The following KLHDC10 variants were observed in gnomAD, a reference collection of about 807,000 sequenced individuals.
The protein encoded by KLHDC10 is kelch domain-containing protein 10.
In KLHDC10, 24 loss-of-function variants were observed where a neutral mutation model predicts 56.1. The ratio of observed to expected loss-of-function variants is 0.43; its 90% CI spans 0.31 to 0.60. The LOEUF (loss-of-function observed/expected upper bound fraction) is 0.60. Among genes scored for constraint, KLHDC10 ranks in the 20% least tolerant of loss-of-function variants. The probability of loss-of-function intolerance (pLI) is 0.11; values close to 1 mark genes in which losing one functional copy is unlikely to be tolerated. For synonymous variants in KLHDC10, 188 were observed against 207.1 expected (o/e 0.91, Z 0.79); for missense variants, 349 against 567.0 (o/e 0.62, Z 3.91).
chr7:130,114,155 G>A (rs180861328), intron 2 of KLHDC10, among the ~76,000 whole-genome samples: 27 of 152,246 alleles, frequency 1.8e-4, no homozygotes, highest in Non-Finnish European at 1.8e-4. Flanking sequence ...ACTGTTTTAG[G>A]TGTTGTGGGT....
At chr7:130,113,428 G>T (rs1405927466) in intron 2 of KLHDC10, among the ~76,000 whole-genome samples, 1 of 151,980 alleles carries the variant, frequency 6.6e-6, no homozygotes, top group Non-Finnish European at 1.5e-5. Flanking sequence ...CACCTCCCAG[G>T]TTCAAGCAAT....
intron 2 of KLHDC10, among the ~76,000 whole-genome samples, chr7:130,099,962 G>C (rs1283566618): frequency 6.6e-6 from 1 of 151,992 alleles, no homozygotes; most frequent in African/African-American, 2.4e-5. Flanking sequence ...ACAATTAGCC[G>C]GGTGTGGTGG....
At chr7:130,076,375 C>T (rs1265532909) in intron 1 of KLHDC10, among the ~76,000 whole-genome samples, 3 of 152,062 alleles carry the variant, frequency 2.0e-5, no homozygotes, top group South Asian at 2.1e-4. Context: ...GCCATTGACA[C>T]GTTGCAGATA....
At chr7:130,122,252 C>G in intron 5 of KLHDC10, 50 bp downstream of exon 5, 1 of 1,584,034 alleles carries the variant, frequency 6.3e-7, no homozygotes, top group Non-Finnish European at 8.6e-7. Context: ...TAACATTTGA[C>G]CTCTTTCAGA....
Position 130,070,789 on chromosome 7 carries a change from C to T in KLHDC10, c.146C>T (p.Ser49Phe). Reference protein sequence around the residue: ...TGQLNRFVQLSGRPHLPGKKK... With the variant: ...TGQLNRFVQLFGRPHLPGKKK... ...CAGCTCAACCGCTTCGTGCAACTCT[C>T]CGGGCGGCCGCACCTGCCAGGTGAG... The change falls in exon 1 of 10, where the codon TCC (serine) becomes TTC (phenylalanine). Residue 49 changes from serine (S) to phenylalanine (F), a missense_variant. This residue lies in a region of KLHDC10 where 104 missense variants were observed against 97.0 expected (regional missense o/e 1.07). Transcript: ENST00000335420. The T allele has an allele frequency of 1.5e-6, 2 of 1,307,098 alleles. No homozygotes were observed. The highest frequency in any genetic ancestry group is 2.0e-6 in the Non-Finnish European group (2 of 1,025,200). 81.0% of individuals were successfully genotyped at this position (1,307,098 alleles called of 1,614,324 possible). A position where few individuals can be genotyped will look rare whatever the true frequency, so the allele number is the denominator to read the frequency against.
At chr7:130,110,531 G>A (rs1018076549) in intron 2 of KLHDC10, among the ~76,000 whole-genome samples, 2 of 152,182 alleles carry the variant, frequency 1.3e-5, no homozygotes, top group Non-Finnish European at 2.9e-5. Flanking sequence ...GTGGGCTGGT[G>A]TGAATGGATT....
At chr7:130,124,375 T>TA (rs886500605) in intron 5 of KLHDC10, 76 bp from the exon 6 acceptor site, 11 of 829,440 alleles carry the variant, frequency 1.3e-5, no homozygotes, top group Non-Finnish European at 2.2e-5. Flanking sequence ...AATGATGTAA[T>TA]AAAAAACCTT....
At chr7:130,103,389 C>T (rs1795961881) in intron 2 of KLHDC10, among the ~76,000 whole-genome samples, 1 of 147,080 alleles carries the variant, frequency 6.8e-6, no homozygotes, top group African/African-American at 2.5e-5. Flanking sequence ...CATGTCACTG[C>T]ACTCCAGCCT....
At chr7:130,099,288 T>TGTTC (rs1795897499) in intron 2 of KLHDC10, among the ~76,000 whole-genome samples, 2 of 152,300 alleles carry the variant, frequency 1.3e-5, no homozygotes, top group South Asian at 2.1e-4. Context: ...TCTCTTCGTT[T>TGTTC]GTTCGTTCGT....
chr7:130,118,741 C>T (rs1314306619), intron 3 of KLHDC10, among the ~76,000 whole-genome samples: 1 of 152,146 alleles, frequency 6.6e-6, no homozygotes, highest in Non-Finnish European at 1.5e-5. Context: ...TAAGGTTATT[C>T]ACTGGCCTAA....
At chr7:130,087,413 A>G (rs1584621917) in intron 1 of KLHDC10, among the ~76,000 whole-genome samples, 1 of 151,624 alleles carries the variant, frequency 6.6e-6, no homozygotes. Context: ...TCCCTTTTAT[A>G]TTTGCTATAT....
chr7:130,124,301 G>A, intron 5 of KLHDC10, 150 bp from the exon 6 acceptor site: 2 of 571,154 alleles, frequency 3.5e-6, no homozygotes, highest in Non-Finnish European at 3.2e-6. Context: ...TATTCTGTAA[G>A]TCATATAACC....
intron 2 of KLHDC10, among the ~76,000 whole-genome samples, chr7:130,099,472 T>C (rs887682596): frequency 6.6e-6 from 1 of 152,154 alleles, no homozygotes; most frequent in African/African-American, 2.4e-5. Context: ...AGGAGAGGTA[T>C]CTGACTCAAC....
chr7:130,130,554 T>G lies in KLHDC10; in HGVS notation c.1137T>G (p.Ile379Met). The G allele has an allele frequency of 1.2e-6, 2 of 1,614,096 alleles. No individual in the cohort carries two copies. Among genetic ancestry groups the G allele is most frequent in the African/African-American group, 2.7e-5 (2 of 75,006 alleles). ...AAVTPAGCMY[I>M]HGGVVNIHEN... ...ACTCATAGGCTGGTTGCATGTACAT[T>G]CATGGAGGAGTGGTGAACATCCATG... Residue 379 changes from isoleucine (I) to methionine (M), a missense_variant, in exon 10 of 10, where the codon ATT (isoleucine) becomes ATG (methionine). Ile to Met is a conservative substitution (Grantham distance 10). Around this residue, in one of 2 missense-constraint regions of KLHDC10, gnomAD observed 245 missense variants for 470.1 expected, o/e 0.52. Transcript: ENST00000335420. The surrounding 1 kb of genome is among the most constrained non-coding windows in gnomAD (Gnocchi z 4.2).
intron 1 of KLHDC10, among the ~76,000 whole-genome samples, chr7:130,082,818 C>T (rs2116848258): frequency 6.6e-6 from 1 of 152,256 alleles, no homozygotes; most frequent in South Asian, 2.1e-4. Context: ...TTCATCCTAC[C>T]CAGCTTCTCT....
At chr7:130,100,243 C>CT (rs1312879871) in intron 2 of KLHDC10, among the ~76,000 whole-genome samples, 1 of 152,248 alleles carries the variant, frequency 6.6e-6, no homozygotes, top group East Asian at 1.9e-4. Context: ...ATAGCATATC[C>CT]TTTAACACTC....
intron 1 of KLHDC10, among the ~76,000 whole-genome samples, chr7:130,073,350 C>T (rs916863730): frequency 2.1e-5 from 3 of 144,508 alleles, no homozygotes; most frequent in Non-Finnish European, 4.5e-5. Context: ...GGCTGGAGTG[C>T]AGTGGCACAG....
chr7:130,099,323 T>G (rs1318202935), intron 2 of KLHDC10, among the ~76,000 whole-genome samples: 1 of 152,214 alleles, frequency 6.6e-6, no homozygotes, highest in African/African-American at 2.4e-5. Context: ...TTTCAGTATT[T>G]CTTGATTGCT....
intron 1 of KLHDC10, among the ~76,000 whole-genome samples, chr7:130,090,031 A>G (rs1468415900): frequency 6.6e-6 from 1 of 151,826 alleles, no homozygotes; most frequent in Admixed American, 6.6e-5. Context: ...ACAGGCATGC[A>G]CCACCACGCC....
Sources: allele counts gnomAD v4.1 joint callset (sites outside exome capture counted in the v4.1 genomes callset), GRCh38; gene constraint gnomAD v4.1.1; regional missense constraint gnomAD v4.1.1; non-coding constraint Gnocchi (gnomAD v3.1); transcripts MANE v1.5; gene names NCBI Gene and HGNC (gene_info 2026-07-23, HGNC 2026-07-21).